CSMD2: variants seen among roughly 807,000 people sequenced by gnomAD.
CSMD2 encodes the protein CUB and Sushi multiple domains 2.
Under a neutral mutation model 398.5 loss-of-function variants are expected in CSMD2, and 130 were observed. The observed-to-expected ratio is 0.33, with a 90% confidence interval of 0.28 to 0.38. CSMD2 has a LOEUF of 0.38. Among genes scored for constraint, CSMD2 ranks in the 10% least tolerant of loss-of-function variants. The pLI, the probability that CSMD2 is intolerant of heterozygous loss-of-function variation, is 1.00. For synonymous variants in CSMD2, 1,828 were observed against 1,908.5 expected, an observed-to-expected ratio of 0.96 and a Z score of 1.10; for missense variants, 3,829 against 4,764.9, an observed-to-expected ratio of 0.80 and a Z score of 5.78.
intron 10 of CSMD2, 82 bp from the exon 11 acceptor site, chr1:33,792,608 G>T (rs1347437676): frequency 3.4e-6 from 3 of 886,982 alleles, no homozygotes; most frequent in South Asian, 2.7e-5. Flanking sequence ...AGGATTTTCT[G>T]TGTTATGTCC....
intron 5 of CSMD2, among the ~76,000 whole-genome samples, chr1:33,866,118 A>AT (rs1277455437): frequency 6.6e-6 from 1 of 152,128 alleles, no homozygotes; most frequent in Non-Finnish European, 1.5e-5. Flanking sequence ...AAAAATACAT[A>AT]TTTTTGAACA....
intron 15 of CSMD2, among the ~76,000 whole-genome samples, chr1:33,737,649 G>A (rs1024186276): frequency 8.5e-5 from 13 of 152,134 alleles, no homozygotes; most frequent in African/African-American, 2.4e-4. Flanking sequence ...TGAGAGTCGG[G>A]GCTCTGGAGG....
intron 2 of CSMD2, among the ~76,000 whole-genome samples, chr1:34,037,301 C>G (rs1392154816): frequency 6.6e-6 from 1 of 152,072 alleles, no homozygotes; most frequent in Non-Finnish European, 1.5e-5. Flanking sequence ...TTGCACCCTC[C>G]CCGCCCCCAC....
At chr1:33,802,532 C>G (rs150934555) in intron 10 of CSMD2, among the ~76,000 whole-genome samples, 57 of 152,262 alleles carry the variant, frequency 3.7e-4, no homozygotes, top group African/African-American at 1.3e-3. Context: ...CTGGGACATT[C>G]CTAGCTCCTT....
At chr1:33,975,694 G>C (rs1645937715) in intron 3 of CSMD2, among the ~76,000 whole-genome samples, 1 of 152,112 alleles carries the variant, frequency 6.6e-6, no homozygotes, top group Admixed American at 6.5e-5. Flanking sequence ...CCTCCCCTCT[G>C]TAGCAGGTGA....
chr1:34,110,012 G>A (rs1660895796), intron 1 of CSMD2, among the ~76,000 whole-genome samples: 2 of 126,856 alleles, frequency 1.6e-5, no homozygotes, highest in Non-Finnish European at 3.1e-5. Context: ...CTGCACTCCA[G>A]CCTGGGTGAC....
intron 19 of CSMD2, among the ~76,000 whole-genome samples, chr1:33,716,803 C>T (rs1035423136): frequency 3.9e-5 from 6 of 152,268 alleles, no homozygotes; most frequent in African/African-American, 1.2e-4. Flanking sequence ...TATGAGAATG[C>T]TTTAGAGACA....
intron 5 of CSMD2, among the ~76,000 whole-genome samples, chr1:33,893,075 G>A (rs1236286812): frequency 6.6e-6 from 1 of 152,194 alleles, no homozygotes; most frequent in African/African-American, 2.4e-5. Context: ...TTATGACTGT[G>A]AATGGATCAT....
At chr1:33,859,811 T>C (rs1364549448) in intron 5 of CSMD2, among the ~76,000 whole-genome samples, 1 of 152,220 alleles carries the variant, frequency 6.6e-6, no homozygotes, top group Non-Finnish European at 1.5e-5. Flanking sequence ...CTGCAAAATC[T>C]GAGAGATACT....
At chr1:33,862,442 T>C (rs1639610757) in intron 5 of CSMD2, 1 of 149,644 alleles carries the variant, frequency 6.7e-6, no homozygotes, top group Admixed American at 6.7e-5. Flanking sequence ...TTCATTAAAG[T>C]TCTTCCTCAT....
chr1:33,819,759 C>T lies in CSMD2; in HGVS notation c.1278G>A (p.Val426=). Residue 426 remains valine, a synonymous_variant, in exon 9 of 71, where the codon GTG becomes GTA. Transcript: ENST00000373381. ...CGCTCCAGGCCGCAAACATGTCGCT[C>T]ACTTTCATACAGGTGATCCGCTTGG... ...QGSKRITCMK[V]SDMFAAWSDH... 6.2e-7 allele frequency: 1 copy of T among 1,614,068 alleles called. No individual in the cohort carries two copies. Among genetic ancestry groups the T allele is most frequent in the Non-Finnish European group, 8.5e-7 (1 of 1,180,020 alleles).
intron 24 of CSMD2, 68 bp from the exon 25 acceptor site, chr1:33,693,124 C>T (rs1210900532): frequency 1.3e-6 from 2 of 1,503,596 alleles, no homozygotes; most frequent in Admixed American, 2.4e-5. Context: ...CTCAGTGGCT[C>T]CTTTTGCCTG....
intron 15 of CSMD2, among the ~76,000 whole-genome samples, chr1:33,730,448 A>T (rs1646682472): frequency 6.6e-6 from 1 of 152,220 alleles, no homozygotes; most frequent in South Asian, 2.1e-4. Context: ...TGAAAGATTA[A>T]GCAAATCAAT....
chr1:34,113,530 A>C (rs1661306431), intron 1 of CSMD2, among the ~76,000 whole-genome samples: 1 of 152,160 alleles, frequency 6.6e-6, no homozygotes, highest in Non-Finnish European at 1.5e-5. Flanking sequence ...CAAGACCTTT[A>C]TAATTGTAAA....
chr1:34,091,243 C>T (rs1658520626), intron 1 of CSMD2, among the ~76,000 whole-genome samples: 1 of 152,140 alleles, frequency 6.6e-6, no homozygotes, highest in African/African-American at 2.4e-5. Flanking sequence ...AATCCATGTC[C>T]CAAGCTCAGT....
intron 62 of CSMD2, among the ~76,000 whole-genome samples, chr1:33,534,858 C>T (rs888650202): frequency 1.8e-4 from 28 of 152,188 alleles, no homozygotes; most frequent in African/African-American, 6.5e-4. Flanking sequence ...ATCAATGAGT[C>T]CTCTTGGTTC....
chr1:33,844,446 G>T (rs982535189), intron 6 of CSMD2, among the ~76,000 whole-genome samples: 1 of 152,216 alleles, frequency 6.6e-6, no homozygotes, highest in African/African-American at 2.4e-5. Context: ...TGTCAATAGC[G>T]CAGAGCCTGA....
At chr1:33,813,870 A>C (rs1657148090) in intron 9 of CSMD2, 1 of 152,586 alleles carries the variant, frequency 6.6e-6, no homozygotes, top group South Asian at 2.1e-4. Context: ...TTCTAAGGAA[A>C]ACAAATCCTA....
chr1:33,823,400 T>G (rs1467809948), intron 7 of CSMD2, among the ~76,000 whole-genome samples: 1 of 151,988 alleles, frequency 6.6e-6, no homozygotes, highest in Non-Finnish European at 1.5e-5. Context: ...TTCTTTTTTT[T>G]TTTTTTAATT....
Sources: allele counts gnomAD v4.1 joint callset (sites outside exome capture counted in the v4.1 genomes callset), GRCh38; gene constraint gnomAD v4.1.1; transcripts MANE v1.5; gene names NCBI Gene and HGNC (gene_info 2026-07-23, HGNC 2026-07-21).